COL14A1: variants seen among roughly 807,000 people sequenced by gnomAD.
COL14A1 encodes collagen type XIV alpha 1 chain.
Under a neutral mutation model 230.3 loss-of-function variants are expected in COL14A1, and 136 were observed. That is an observed-to-expected ratio of 0.59 (90% CI 0.51 to 0.68). The LOEUF (loss-of-function observed/expected upper bound fraction) is 0.68. Ranked by LOEUF, COL14A1 falls within the 30% of genes least tolerant of loss-of-function variation. The pLI, the probability that COL14A1 is intolerant of heterozygous loss-of-function variation, is 0.00. For synonymous variants in COL14A1, 792 were observed against 784.1 expected (o/e 1.01, Z -0.17); for missense variants, 1,976 against 2,215.8 (o/e 0.89, Z 2.17).
chr8:120,235,548 T>A (rs1386591262), intron 19 of COL14A1, among the ~76,000 whole-genome samples: 1 of 152,176 alleles, frequency 6.6e-6, no homozygotes, highest in African/African-American at 2.4e-5. Context: ...TTTATTTTTT[T>A]AATCTTTTCA....
chr8:120,155,942 T>A (rs1222148904), intron 2 of COL14A1, among the ~76,000 whole-genome samples: 1 of 152,208 alleles, frequency 6.6e-6, no homozygotes, highest in Non-Finnish European at 1.5e-5. Context: ...CAGAGAAATG[T>A]AAACTCTTTC....
At position 120,162,574 on chromosome 8, in the gene COL14A1, G is replaced by A. The variant is rs1460174719; in HGVS notation, c.349+5G>A. 7 of 1,596,084 alleles carry A rather than the reference G, an allele frequency of 4.4e-6. No homozygotes were observed. Among genetic ancestry groups the A allele is most frequent in the East Asian group, 2.3e-5 (1 of 44,444 alleles). The stretch of plus-strand genomic sequence containing the variant: ...CAGCTCAAGGCCAATTCAGAAGTAC[G>A]TATTTACAGTTCTCAAAGCACCTCC... On this transcript the variant is annotated splice_donor_5th_base_variant and intron_variant, in intron 4 of 47. Transcript: ENST00000297848.
chr8:120,245,446 A>G (rs150817540), intron 20 of COL14A1, among the ~76,000 whole-genome samples: 1 of 152,334 alleles, frequency 6.6e-6, no homozygotes, highest in Non-Finnish European at 1.5e-5. Flanking sequence ...CAAATGAGAA[A>G]GATGCATGAA....
At chr8:120,332,506 C>T (rs1821905429) in intron 41 of COL14A1, among the ~76,000 whole-genome samples, 158 bp from the exon 42 acceptor site, 1 of 152,116 alleles carries the variant, frequency 6.6e-6, no homozygotes, top group Non-Finnish European at 1.5e-5. Flanking sequence ...AAAAGTCTTC[C>T]CTCCGTTTTT....
intron 19 of COL14A1, among the ~76,000 whole-genome samples, chr8:120,238,637 C>T (rs1175002008): frequency 1.3e-5 from 2 of 152,156 alleles, no homozygotes; most frequent in Non-Finnish European, 2.9e-5. Flanking sequence ...CGCTGGCATT[C>T]CAGGCATCAT....
chr8:120,138,992 C>T (rs1221515494), intron 1 of COL14A1, among the ~76,000 whole-genome samples: 1 of 152,154 alleles, frequency 6.6e-6, no homozygotes, highest in African/African-American at 2.4e-5. Context: ...CCCCCAAATT[C>T]AGGAATCCCT....
At chr8:120,207,136 C>T in intron 10 of COL14A1, 42 bp downstream of exon 10, 1 of 1,521,530 alleles carries the variant, frequency 6.6e-7, no homozygotes, top group South Asian at 1.2e-5. Context: ...TTTTTATTCT[C>T]TCAAGTCTTC....
Position 120,152,244 on chromosome 8 carries a change from G to T in COL14A1, c.88+4314G>T, listed in dbSNP as rs28438672. ...TGGGAGGCAGAGGCGGGCGGATCAC[G>T]AGGTCAGGAAATCGAGACCATCCTG... On this transcript the variant is annotated intron_variant, in intron 2 of 47. Coordinates refer to ENST00000297848, the MANE Select transcript of COL14A1 (RefSeq NM_021110.4). Among the ~76,000 whole-genome samples the T allele has an allele frequency of 2.7e-3, 414 of 151,866 alleles. 3 individuals are homozygous for T. Among genetic ancestry groups the T allele is most frequent in the African/African-American group, 9.7e-3 (402 of 41,420 alleles).
At chr8:120,154,029 C>A (rs1320458627) in intron 2 of COL14A1, among the ~76,000 whole-genome samples, 1 of 152,046 alleles carries the variant, frequency 6.6e-6, no homozygotes, top group Non-Finnish European at 1.5e-5. Flanking sequence ...GGAAGAAAAC[C>A]AGGATGCTGT....
intron 24 of COL14A1, 73 bp downstream of exon 24, chr8:120,263,087 T>A: frequency 6.9e-7 from 1 of 1,453,360 alleles, no homozygotes; most frequent in Non-Finnish European, 9.1e-7. Flanking sequence ...TGTTTCCTTA[T>A]CCCATTTAGA....
intron 5 of COL14A1, among the ~76,000 whole-genome samples, chr8:120,189,923 T>C (rs1004038784): frequency 1.3e-5 from 2 of 151,790 alleles, no homozygotes; most frequent in Admixed American, 1.3e-4. Context: ...TTTGCTATCG[T>C]GAATAGTGCC....
chr8:120,366,999 A>G (rs1421105044), intron 45 of COL14A1, among the ~76,000 whole-genome samples, 172 bp from the exon 46 acceptor site: 3 of 151,968 alleles, frequency 2.0e-5, no homozygotes, highest in Non-Finnish European at 2.9e-5. Context: ...GTGATTCTAC[A>G]TATACTACCA....
Position 120,285,877 on chromosome 8 carries a change from A to C in COL14A1, c.3984A>C (p.Leu1328=). 1 of 1,600,022 alleles carries C rather than the reference A, an allele frequency of 6.2e-7. No homozygotes were observed. Among genetic ancestry groups the C allele is most frequent in the Non-Finnish European group, 8.5e-7 (1 of 1,171,140 alleles). ...GVILDNGGKT[L]TYFNYDQSGD... The stretch of plus-strand genomic sequence containing the variant: ...TTTCAATAGATGGTGGGAAAACTCT[A>C]ACATATTTCAACTATGACCAGAGTG... The change falls in exon 33 of 48, where the codon CTA becomes CTC. Residue 1328 remains leucine, a synonymous_variant. Transcript: ENST00000297848.
chr8:120,247,823 T>C, intron 21 of COL14A1, 88 bp downstream of exon 21: 1 of 1,462,796 alleles, frequency 6.8e-7, no homozygotes, highest in Non-Finnish European at 9.3e-7. Context: ...TAACACCTTA[T>C]GTTTGGTTGT....
intron 19 of COL14A1, among the ~76,000 whole-genome samples, chr8:120,243,304 T>C (rs1478488473): frequency 2.0e-5 from 3 of 152,158 alleles, no homozygotes; most frequent in Non-Finnish European, 2.9e-5. Context: ...ACAACTCCTT[T>C]CAGAAATAAA....
Position 120,350,838 on chromosome 8 carries a change from A to G in COL14A1, c.5077+5275A>G, listed in dbSNP as rs1051779943. On this transcript the variant is annotated intron_variant, in intron 45 of 47. Transcript: ENST00000297848. Reference sequence around the variant, plus strand: ...CATTAGACAGATCAACGAGACAGAAAGTTCACAAGGATACCCAGGAATTGA... The same window carrying G: ...CATTAGACAGATCAACGAGACAGAAGGTTCACAAGGATACCCAGGAATTGA... Among the ~76,000 whole-genome samples the G allele has an allele frequency of 2.5e-4, 38 of 151,990 alleles. No individual in the cohort carries two copies. The East Asian group carries it at 2.7e-3, about 11-fold the overall frequency.
At chr8:120,195,177 C>A (rs896642572) in intron 5 of COL14A1, among the ~76,000 whole-genome samples, 1 of 152,124 alleles carries the variant, frequency 6.6e-6, no homozygotes, top group African/African-American at 2.4e-5. Context: ...ATCCTTTAAG[C>A]AAAATGTGGC....
chr8:120,333,686 G>A (rs534898915), intron 42 of COL14A1, among the ~76,000 whole-genome samples: 3 of 152,248 alleles, frequency 2.0e-5, no homozygotes, highest in South Asian at 2.1e-4. Flanking sequence ...GAAGTCTGGC[G>A]CAGATCTCAC....
At chr8:120,313,893 A>T (rs759323858) in intron 37 of COL14A1, 39 bp from the exon 38 acceptor site, 1 of 1,306,186 alleles carries the variant, frequency 7.7e-7, no homozygotes, top group South Asian at 1.3e-5. Context: ...CAGAGAGTCT[A>T]ACTTACTTTT....
Sources: gnomAD v4.1 joint callset for allele counts (sites outside exome capture counted in the v4.1 genomes callset) on GRCh38, gnomAD v4.1.1 for gene constraint, MANE v1.5 for transcripts, NCBI Gene and HGNC (gene_info 2026-07-23, HGNC 2026-07-21) for gene names.